The following UNC5A variants were observed in gnomAD, a reference collection of about 807,000 sequenced individuals.
UNC5A encodes the protein netrin receptor UNC5A.
In UNC5A, 20 loss-of-function variants were observed where a neutral mutation model predicts 87.4. That is an observed-to-expected ratio of 0.23 (90% CI 0.16 to 0.33). The LOEUF (loss-of-function observed/expected upper bound fraction) is 0.33, where lower values mean the gene tolerates loss of function less well. Among genes scored for constraint, UNC5A ranks in the 10% least tolerant of loss-of-function variants. The probability of loss-of-function intolerance (pLI) is 1.00; values close to 1 mark genes in which losing one functional copy is unlikely to be tolerated. For synonymous variants in UNC5A, 438 were observed against 482.3 expected (o/e 0.91, Z 1.20); for missense variants, 844 against 1,133.4 (o/e 0.74, Z 3.67).
At chr5:176,852,427 C>T (rs1199308284) in intron 1 of UNC5A, among the ~76,000 whole-genome samples, 1 of 152,174 alleles carries the variant, frequency 6.6e-6, no homozygotes, top group Admixed American at 6.5e-5. Context: ...GCCAAGGATC[C>T]CAAGGCAGGA....
intron 1 of UNC5A, among the ~76,000 whole-genome samples, chr5:176,830,384 C>T (rs999225640): frequency 3.5e-4 from 51 of 144,994 alleles, no homozygotes; most frequent in African/African-American, 1.1e-3. Flanking sequence ...GTGTGTTGTG[C>T]GTGTGTGTGC....
intron 1 of UNC5A, among the ~76,000 whole-genome samples, chr5:176,839,088 T>C (rs897954902): frequency 6.6e-6 from 1 of 152,236 alleles, no homozygotes; most frequent in African/African-American, 2.4e-5. Flanking sequence ...CTGCCTGACC[T>C]GCCCTCTCCT....
At chr5:176,839,026 T>C (rs1457107691) in intron 1 of UNC5A, among the ~76,000 whole-genome samples, 1 of 152,212 alleles carries the variant, frequency 6.6e-6, no homozygotes, top group Non-Finnish European at 1.5e-5. Context: ...TCAGCAGGTG[T>C]CCAGTCATGG....
rs1561659010 is a variant in UNC5A, at chr5:176,858,772, A to AGGC, written c.71-3852_71-3851insGGC. ...GAAGGAAGGAAGGAAGGAAGGAAGGAAGGCAAGCAAGCAGGCAGGGAGGGA... is the reference window on the plus strand; with the variant it reads ...GAAGGAAGGAAGGAAGGAAGGAAGGAGGCAGGCAAGCAAGCAGGCAGGGAGGGA... On this transcript the variant is annotated intron_variant, in intron 1 of 14. Coordinates refer to ENST00000329542, the MANE Select transcript of UNC5A (RefSeq NM_133369.3). Among the ~76,000 whole-genome samples the AGGC allele has an allele frequency of 3.0e-3, 417 of 140,174 alleles. 6 individuals are homozygous for AGGC. Among genetic ancestry groups the AGGC allele is most frequent in the African/African-American group, 0.012 (400 of 34,546 alleles). 92.0% of individuals were successfully genotyped at this position (140,174 alleles called of 152,430 possible).
intron 1 of UNC5A, among the ~76,000 whole-genome samples, chr5:176,859,914 CAGAGGCCCTGGAGA>C (rs1244022197): frequency 6.6e-6 from 1 of 152,240 alleles, no homozygotes. Context: ...TGTGGCGTGA[CAGAGGCCCTGGAGA>C]AGTGAGCTAT....
chr5:176,810,747 G>C lies in UNC5A; in HGVS notation c.-4G>C. 1 of 1,163,666 alleles carries C rather than the reference G, an allele frequency of 8.6e-7. No individual in the cohort carries two copies. The highest frequency in any genetic ancestry group is 1.1e-6 in the Non-Finnish European group (1 of 944,990). The allele number at this position is 1,163,666 out of a possible 1,614,324, so 72.1% of individuals were successfully genotyped here. Reference sequence around the variant, plus strand: ...CCGGCCCGCCCGCCTGCCCGCCCGCGGCCATGGCCGTCCGGCCCGGCCTGT... The same window carrying C: ...CCGGCCCGCCCGCCTGCCCGCCCGCCGCCATGGCCGTCCGGCCCGGCCTGT... On this transcript the variant is annotated 5_prime_UTR_variant, in exon 1 of 15. Coordinates refer to ENST00000329542, the MANE Select transcript of UNC5A (RefSeq NM_133369.3). The surrounding 1 kb of genome is among the most constrained non-coding windows in gnomAD (Gnocchi z 7.3).
chr5:176,867,892 C>T (rs1758012956), intron 2 of UNC5A, among the ~76,000 whole-genome samples: 1 of 152,092 alleles, frequency 6.6e-6, no homozygotes, highest in Non-Finnish European at 1.5e-5. Flanking sequence ...AAGGTCTACC[C>T]TGCCTGCCCG....
rs1757989993 is a variant in UNC5A at position 176,866,989 on chromosome 5, G to A, written c.293-1141G>A. On this transcript the variant is annotated intron_variant, in intron 2 of 14. Transcript: ENST00000329542. The surrounding 1 kb of genome is among the most constrained non-coding windows in gnomAD (Gnocchi z 5.0). Reference sequence around the variant, plus strand: ...CCCAGAGGCTTGTGAGGAGGGGTCTGGGAAGCAGTCGGAGAAAGTCATGTT... The same window carrying A: ...CCCAGAGGCTTGTGAGGAGGGGTCTAGGAAGCAGTCGGAGAAAGTCATGTT... Among the ~76,000 whole-genome samples, 1 of 152,234 alleles carries A rather than the reference G, an allele frequency of 6.6e-6. No homozygotes were observed. The highest frequency in any genetic ancestry group is 2.1e-4 in the South Asian group (1 of 4,836).
At chr5:176,859,609 C>A (rs1199440825) in intron 1 of UNC5A, among the ~76,000 whole-genome samples, 1 of 71,810 alleles carries the variant, frequency 1.4e-5, no homozygotes, top group African/African-American at 3.2e-5. Flanking sequence ...GGCATGGCTG[C>A]TACAATGTCC....
At chr5:176,822,241 C>G (rs1407996475) in intron 1 of UNC5A, among the ~76,000 whole-genome samples, 1 of 152,248 alleles carries the variant, frequency 6.6e-6, no homozygotes, top group Non-Finnish European at 1.5e-5. Context: ...GGGGGATGCT[C>G]ACTTTTGGCC....
intron 1 of UNC5A, among the ~76,000 whole-genome samples, chr5:176,817,366 A>T (rs1248014533): frequency 6.6e-6 from 1 of 151,856 alleles, no homozygotes; most frequent in Non-Finnish European, 1.5e-5. Flanking sequence ...CCTGCATCCC[A>T]CCTCGGCCCT....
At chr5:176,835,168 G>A (rs1290294389) in intron 1 of UNC5A, among the ~76,000 whole-genome samples, 1 of 152,282 alleles carries the variant, frequency 6.6e-6, no homozygotes, top group Non-Finnish European at 1.5e-5. Flanking sequence ...ATCAGCCTGG[G>A]AATGGGGCCT....
At chr5:176,813,152 A>G (rs1421313294) in intron 1 of UNC5A, among the ~76,000 whole-genome samples, 1 of 152,150 alleles carries the variant, frequency 6.6e-6, no homozygotes, top group African/African-American at 2.4e-5. Flanking sequence ...GCAAGCACCC[A>G]TCTGTCTCAC....
intron 1 of UNC5A, among the ~76,000 whole-genome samples, chr5:176,861,382 CCCT>C (rs1757833842): frequency 6.6e-6 from 1 of 152,212 alleles, no homozygotes; most frequent in Admixed American, 6.5e-5. Context: ...GGCCCCTGAA[CCCT>C]CGGTCCGAGC....
Position 176,868,188 on chromosome 5 carries a change from C to T in UNC5A, c.351C>T (p.Phe117=), listed in dbSNP as rs1363407886. 2.5e-6 allele frequency: 4 copies of T among 1,613,506 alleles called. No individual in the cohort carries two copies. The highest frequency in any genetic ancestry group is 1.3e-5 in the African/African-American group (1 of 74,850). The stretch of plus-strand genomic sequence containing the variant: ...CAAGGCAGCAGGTCGAGAAGGTGTT[C>T]GGGCTGGAGGAATACTGGTGCCAGT... The part of the protein sequence containing the change: ...NVSRQQVEKV[F]GLEEYWCQCV... Residue 117 remains phenylalanine, a synonymous_variant, in exon 3 of 15, where the codon TTC becomes TTT. Coordinates refer to ENST00000329542, the MANE Select transcript of UNC5A (RefSeq NM_133369.3).
At chr5:176,842,092 G>A (rs1205317643) in intron 1 of UNC5A, among the ~76,000 whole-genome samples, 1 of 152,256 alleles carries the variant, frequency 6.6e-6, no homozygotes, top group Admixed American at 6.5e-5. Flanking sequence ...AGCTACTCGG[G>A]AGGCTGAGGC....
chr5:176,874,021 G>A lies in UNC5A; in HGVS notation c.940G>A (p.Val314Ile), dbSNP rs777887433. The A allele has an allele frequency of 2.1e-5, 34 of 1,613,988 alleles. No individual in the cohort carries two copies. Among genetic ancestry groups the A allele is most frequent in the East Asian group, 8.9e-5 (4 of 44,886 alleles). The change falls in exon 7 of 15, where the codon GTC (valine) becomes ATC (isoleucine). Residue 314 changes from valine to isoleucine, a missense_variant. By Grantham distance (29) the Val-to-Ile change is conservative (BLOSUM62 3). This residue lies in a region of UNC5A where 314 missense variants were observed against 466.5 expected (regional missense o/e 0.67). Transcript: ENST00000329542. This position sits in a 1 kb window ranked among gnomAD's most constrained non-coding sequence, Gnocchi z 7.6. ...CTATGTGGGCCTCATCGCCGTGGCC[G>A]TCTGCCTGGTCCTGCTGCTGCTTGT... ...ALYVGLIAVAVCLVLLLLVLI... is the reference protein window; with the variant it reads ...ALYVGLIAVAICLVLLLLVLI...
At chr5:176,867,077 G>T (rs1013687836) in intron 2 of UNC5A, among the ~76,000 whole-genome samples, 2 of 152,172 alleles carry the variant, frequency 1.3e-5, no homozygotes, top group Non-Finnish European at 2.9e-5. Context: ...CGCTCTTCCC[G>T]CAATGCAGCC....
At chr5:176,850,930 TCCCAGTGCTCCCAGGA>T (rs1441960905) in intron 1 of UNC5A, among the ~76,000 whole-genome samples, 27 of 151,992 alleles carry the variant, frequency 1.8e-4, no homozygotes, top group African/African-American at 6.5e-4. Context: ...TCCCAGGACT[TCCCAGTGCTCCCAGGA>T]CTTTCCAGTG....
Sources: gnomAD v4.1 joint callset for allele counts (sites outside exome capture counted in the v4.1 genomes callset) on GRCh38, gnomAD v4.1.1 for gene constraint, gnomAD v4.1.1 regional missense constraint, Gnocchi (gnomAD v3.1) non-coding constraint, MANE v1.5 for transcripts, NCBI Gene and HGNC (gene_info 2026-07-23, HGNC 2026-07-21) for gene names.